TMTC2: variants seen among roughly 807,000 people sequenced by gnomAD.
The protein encoded by TMTC2 is transmembrane O-mannosyltransferase targeting cadherins 2, also known as protein O-mannosyl-transferase TMTC2.
In TMTC2, 43 loss-of-function variants were observed where a neutral mutation model predicts 82.4. The ratio of observed to expected loss-of-function variants is 0.52; its 90% CI spans 0.41 to 0.67. The LOEUF (loss-of-function observed/expected upper bound fraction) is 0.67, where lower values mean the gene tolerates loss of function less well. Ranked by LOEUF, TMTC2 falls within the 30% of genes least tolerant of loss-of-function variation. TMTC2 has a pLI of 0.00. For missense variants in TMTC2, 919 were observed against 1,012.4 expected (o/e 0.91, Z 1.25); for synonymous variants, 408 against 381.9 (o/e 1.07, Z -0.80).
intron 3 of TMTC2, among the ~76,000 whole-genome samples, chr12:82,898,938 G>A (rs1873819831): frequency 6.6e-6 from 1 of 152,310 alleles, no homozygotes; most frequent in East Asian, 1.9e-4. Flanking sequence ...GTTTTGTAAC[G>A]CTTAGGTATT....
At chr12:83,095,789 G>A (rs1187707423) in intron 11 of TMTC2, among the ~76,000 whole-genome samples, 1 of 151,856 alleles carries the variant, frequency 6.6e-6, no homozygotes, top group African/African-American at 2.4e-5. Context: ...TAAAGTAGTT[G>A]GCCCTGTAAT....
At chr12:83,087,412 T>G (rs1883700616) in intron 11 of TMTC2, among the ~76,000 whole-genome samples, 1 of 152,198 alleles carries the variant, frequency 6.6e-6, no homozygotes, top group South Asian at 2.1e-4. Flanking sequence ...CCTCTTCCCA[T>G]GAATCATGAA....
At chr12:83,011,131 G>A (rs548454764) in intron 8 of TMTC2, among the ~76,000 whole-genome samples, 92 of 152,300 alleles carry the variant, frequency 6.0e-4, no homozygotes, top group Admixed American at 1.8e-3. Context: ...CACTGCGCCC[G>A]GCCTGACGAT....
intron 11 of TMTC2, among the ~76,000 whole-genome samples, chr12:83,107,778 G>A (rs953211389): frequency 1.6e-3 from 217 of 135,134 alleles, no homozygotes; most frequent in Non-Finnish European, 2.5e-3. Flanking sequence ...ATGACCCCCC[G>A]TGCCCACAAG....
chr12:83,064,163 C>T (rs17010578), intron 11 of TMTC2, among the ~76,000 whole-genome samples: 8,925 of 151,680 alleles, frequency 0.059, 306 homozygotes, highest in Middle Eastern at 0.082. Context: ...GGTCAAATGA[C>T]CATCTTCAGC....
intron 9 of TMTC2, among the ~76,000 whole-genome samples, chr12:83,033,222 T>C (rs565227426): frequency 4.6e-5 from 7 of 152,218 alleles, no homozygotes; most frequent in Non-Finnish European, 7.3e-5. Flanking sequence ...TTGCTCACTG[T>C]GCTCAGATTA....
chr12:82,954,888 A>G (rs996675369), intron 4 of TMTC2, among the ~76,000 whole-genome samples: 1 of 152,192 alleles, frequency 6.6e-6, no homozygotes. Context: ...AATTTTTAGA[A>G]AATTTAATTT....
intron 11 of TMTC2, among the ~76,000 whole-genome samples, chr12:83,077,580 T>A (rs111763354): frequency 5.9e-5 from 9 of 152,182 alleles, no homozygotes; most frequent in Admixed American, 1.3e-4. Context: ...TCTTTTTTTT[T>A]ATTTTATTTT....
chr12:82,741,753 A>G (rs1170963576), intron 1 of TMTC2, among the ~76,000 whole-genome samples: 1 of 152,210 alleles, frequency 6.6e-6, no homozygotes, highest in Non-Finnish European at 1.5e-5. Context: ...TGGAGGCTGT[A>G]GTGTTTATCT....
At chr12:82,977,308 T>A (rs1878715882) in intron 7 of TMTC2, among the ~76,000 whole-genome samples, 1 of 151,900 alleles carries the variant, frequency 6.6e-6, no homozygotes, top group South Asian at 2.1e-4. Flanking sequence ...TCTTAATGAA[T>A]AATAAAGTTT....
chr12:82,955,876 G>A (rs538925812), intron 4 of TMTC2, among the ~76,000 whole-genome samples: 1 of 152,070 alleles, frequency 6.6e-6, no homozygotes, highest in South Asian at 2.1e-4. Context: ...CCTACACATG[G>A]ATACATAAAA....
intron 8 of TMTC2, among the ~76,000 whole-genome samples, chr12:83,001,274 T>TGG (rs1214553200): frequency 6.6e-6 from 1 of 152,132 alleles, no homozygotes. Flanking sequence ...ACGCTCTGCT[T>TGG]CCCTTATAAA....
At chr12:82,884,503 T>C (rs1183037631) in intron 2 of TMTC2, among the ~76,000 whole-genome samples, 1 of 152,216 alleles carries the variant, frequency 6.6e-6, no homozygotes, top group Non-Finnish European at 1.5e-5. Flanking sequence ...ATTTTTCAGT[T>C]GTTAATTTTT....
intron 1 of TMTC2, among the ~76,000 whole-genome samples, chr12:82,730,296 CAAAAAAA>C (rs368959079): frequency 3.8e-5 from 3 of 79,004 alleles, no homozygotes; most frequent in Non-Finnish European, 4.5e-5. Flanking sequence ...CTCTGTCTCT[CAAAAAAA>C]AAAAAAAAAA....
At position 82,749,872 on chromosome 12, in the gene TMTC2, G is replaced by T. The variant is rs373158396; in HGVS notation, c.83+62203G>T. ...CCTGCCTCTGCTTCCCAGGTAGCTG[G>T]GATTACAGGCATGCACCACCACGCC... On this transcript the variant is annotated intron_variant, in intron 1 of 11. Transcript: ENST00000321196. 2.4e-4 allele frequency among the ~76,000 whole-genome samples: 36 copies of T among 151,766 alleles called. No individual in the cohort carries two copies. In the East Asian group the frequency reaches 5.4e-3, roughly 23 times the overall value.
intron 11 of TMTC2, among the ~76,000 whole-genome samples, chr12:83,123,989 C>G (rs1565897122): frequency 6.6e-6 from 1 of 152,174 alleles, no homozygotes; most frequent in Non-Finnish European, 1.5e-5. Context: ...ATGCACTGGA[C>G]TGTAAACTCC....
At chr12:82,767,011 G>C (rs1170594560) in intron 1 of TMTC2, among the ~76,000 whole-genome samples, 1 of 152,098 alleles carries the variant, frequency 6.6e-6, no homozygotes, top group African/African-American at 2.4e-5. Context: ...CACCATATTG[G>C]ATTGACAATA....
chr12:82,781,746 G>A (rs932076651), intron 1 of TMTC2, among the ~76,000 whole-genome samples: 1 of 148,338 alleles, frequency 6.7e-6, no homozygotes, highest in Non-Finnish European at 1.5e-5. Flanking sequence ...GCGGCTTAGA[G>A]GTTTTAATGC....
intron 8 of TMTC2, among the ~76,000 whole-genome samples, chr12:82,997,416 A>G (rs866453817): frequency 7.2e-5 from 8 of 111,238 alleles, no homozygotes; most frequent in African/African-American, 2.5e-4. Flanking sequence ...ATATGTGTAT[A>G]TATATATATA....
Sources: gnomAD v4.1 joint callset for allele counts (sites outside exome capture counted in the v4.1 genomes callset) on GRCh38, gnomAD v4.1.1 for gene constraint, MANE v1.5 for transcripts, NCBI Gene and HGNC (gene_info 2026-07-23, HGNC 2026-07-21) for gene names.